Variants in SOX5 observed in about 807,000 individuals in gnomAD.
SOX5 encodes the protein SRY-box transcription factor 5, also known as transcription factor SOX-5.
SOX5 carries 9 observed loss-of-function variants against 92.0 expected under a neutral mutation model. That is an observed-to-expected ratio of 0.10 (90% CI 0.06 to 0.17). The LOEUF (loss-of-function observed/expected upper bound fraction) is 0.17. Ranked by LOEUF, SOX5 falls within the 10% of genes least tolerant of loss-of-function variation. SOX5 has a pLI of 1.00. For synonymous variants in SOX5, 344 were observed against 336.3 expected, an observed-to-expected ratio of 1.02 and a Z score of -0.25; for missense variants, 642 against 944.5, an observed-to-expected ratio of 0.68 and a Z score of 4.20.
intron 4 of SOX5, among the ~76,000 whole-genome samples, chr12:24,095,122 C>CAGAGAGAGAGAGAGAGAGAG (rs1375437943): frequency 1.3e-4 from 12 of 93,978 alleles, no homozygotes; most frequent in East Asian, 3.5e-4. Context: ...CACACACACA[C>CAGAGAGAGAGAGAGAGAGAG]ACACACAGAG....
chr12:23,604,570 T>A, intron 8 of SOX5, 37 bp from the exon 9 acceptor site: 4 of 1,592,560 alleles, frequency 2.5e-6, no homozygotes, highest in Non-Finnish European at 3.4e-6. Context: ...GAAAGAATAC[T>A]GTGAATAATA....
At chr12:23,989,810 T>C (rs1291093999) in intron 4 of SOX5, among the ~76,000 whole-genome samples, 2 of 152,148 alleles carry the variant, frequency 1.3e-5, no homozygotes, top group Admixed American at 1.3e-4. Context: ...TTCCAGCCTC[T>C]AGAACTGTAA....
At chr12:24,300,992 A>G (rs541896072) in intron 2 of SOX5, among the ~76,000 whole-genome samples, 2 of 152,290 alleles carry the variant, frequency 1.3e-5, no homozygotes, top group South Asian at 2.1e-4. Context: ...TGCCACTACA[A>G]AAGTTTAGGA....
At chr12:23,828,335 C>T (rs1346359546) in intron 3 of SOX5, among the ~76,000 whole-genome samples, 1 of 151,876 alleles carries the variant, frequency 6.6e-6, no homozygotes, top group Non-Finnish European at 1.5e-5. Flanking sequence ...TATGTGTGTG[C>T]ACACACACAC....
intron 9 of SOX5, among the ~76,000 whole-genome samples, chr12:23,580,728 A>G (rs1949925679): frequency 6.6e-6 from 1 of 152,104 alleles, no homozygotes; most frequent in South Asian, 2.1e-4. Context: ...TTCCATTTAC[A>G]TAATTATAGC....
intron 1 of SOX5, among the ~76,000 whole-genome samples, chr12:24,384,775 G>T (rs1157353617): frequency 6.6e-6 from 1 of 152,142 alleles, no homozygotes; most frequent in South Asian, 2.1e-4. Flanking sequence ...GGAATGTGTT[G>T]CCCCTCAAAG....
chr12:24,422,900 A>G (rs1966153214), intron 1 of SOX5, among the ~76,000 whole-genome samples: 1 of 152,162 alleles, frequency 6.6e-6, no homozygotes, highest in Non-Finnish European at 1.5e-5. Flanking sequence ...AGTTCCAGCT[A>G]CTCAGGAGGC....
At chr12:24,092,161 C>T (rs1944732789) in intron 4 of SOX5, among the ~76,000 whole-genome samples, 1 of 152,162 alleles carries the variant, frequency 6.6e-6, no homozygotes, top group Non-Finnish European at 1.5e-5. Context: ...ACTCCTATTC[C>T]TGAGAAAAAT....
At chr12:24,355,655 C>T (rs1230330594) in intron 2 of SOX5, among the ~76,000 whole-genome samples, 1 of 152,018 alleles carries the variant, frequency 6.6e-6, no homozygotes, top group Admixed American at 6.6e-5. Context: ...TTTATTTTTC[C>T]TAATTAAATG....
intron 1 of SOX5, among the ~76,000 whole-genome samples, chr12:24,440,710 A>T (rs1940399505): frequency 1.3e-5 from 2 of 151,688 alleles, no homozygotes; most frequent in African/African-American, 4.8e-5. Context: ...ACTCTTCATC[A>T]GTCTTACTAA....
chr12:24,408,796 G>A (rs1963513399), intron 1 of SOX5, among the ~76,000 whole-genome samples: 1 of 152,256 alleles, frequency 6.6e-6, no homozygotes, highest in East Asian at 1.9e-4. Context: ...TAATAATTTG[G>A]AATGGCAATT....
rs539526614 is a variant in SOX5, at chr12:23,813,006, A to C, written c.481+32977T>G. On this transcript the variant is annotated intron_variant, in intron 3 of 14. Transcript: ENST00000451604. ...TTTCTCTCACATTCAGTGCTGTCTA[A>C]ACAACAGCAAAAAATCACACATTTT... Among the ~76,000 whole-genome samples the C allele has an allele frequency of 9.8e-5, 15 of 152,326 alleles. No homozygotes were observed. The East Asian group carries it at 2.3e-3, about 23-fold the overall frequency.
intron 3 of SOX5, among the ~76,000 whole-genome samples, chr12:24,225,370 C>T (rs1961656221): frequency 6.6e-6 from 1 of 151,984 alleles, no homozygotes; most frequent in Admixed American, 6.5e-5. Flanking sequence ...ACTGTAACAA[C>T]CCAAAAAATA....
Position 24,207,426 on chromosome 12 carries a change from C to G in SOX5, c.-2+5917G>C, listed in dbSNP as rs192360064. ...GAAGTCAGGCAATATAATAAGGGTGCCTGTCACAGAGTAAGACTCAGTAAG... is the reference window on the plus strand; with the variant it reads ...GAAGTCAGGCAATATAATAAGGGTGGCTGTCACAGAGTAAGACTCAGTAAG... On this transcript the variant is annotated intron_variant, in intron 4 of 4. Transcript: ENST00000446891. Among the ~76,000 whole-genome samples the G allele has an allele frequency of 1.9e-3, 284 of 151,926 alleles. 1 individual carries two copies. Among genetic ancestry groups the G allele is most frequent in the Middle Eastern group, 6.8e-3 (2 of 294 alleles).
At chr12:23,570,910 C>CA (rs148593886) in intron 10 of SOX5, among the ~76,000 whole-genome samples, 17 of 8,158 alleles carry the variant, frequency 2.1e-3, no homozygotes, top group African/African-American at 2.8e-3. Context: ...GACTCCAACT[C>CA]AAAAAAAAAA....
At chr12:24,376,689 CCTTTTTTTTTTTTTTTTTTTT>C (rs1957302542) in intron 1 of SOX5, among the ~76,000 whole-genome samples, 2 of 93,084 alleles carry the variant, frequency 2.1e-5, no homozygotes, top group Non-Finnish European at 4.2e-5. Context: ...GGGAGAGATA[CCTTTTTTTTTTTTTTTTTTTT>C]TTTTTTTTTT....
chr12:23,657,349 A>G (rs1258712916), intron 7 of SOX5, among the ~76,000 whole-genome samples: 1 of 152,172 alleles, frequency 6.6e-6, no homozygotes, highest in Non-Finnish European at 1.5e-5. Context: ...CCTGTATCCA[A>G]ATTAATGCAG....
At chr12:24,513,705 T>C (rs1949526433) in intron 1 of SOX5, among the ~76,000 whole-genome samples, 1 of 152,196 alleles carries the variant, frequency 6.6e-6, no homozygotes. Context: ...AAAAATGAAG[T>C]AAAATATCCC....
intron 4 of SOX5, among the ~76,000 whole-genome samples, chr12:23,990,067 A>C (rs976174082): frequency 5.3e-5 from 8 of 152,112 alleles, no homozygotes; most frequent in African/African-American, 1.9e-4. Context: ...AGGAGAGAGA[A>C]AAAAAGGGAA....
Sources: gnomAD v4.1 joint callset for allele counts (sites outside exome capture counted in the v4.1 genomes callset) on GRCh38, gnomAD v4.1.1 for gene constraint, MANE v1.5 for transcripts, NCBI Gene and HGNC (gene_info 2026-07-23, HGNC 2026-07-21) for gene names.